MICU3: variants seen among roughly 807,000 people sequenced by gnomAD.
The protein encoded by MICU3 is mitochondrial calcium uptake 3, also known as calcium uptake protein 3, mitochondrial.
In MICU3, 62 loss-of-function variants were observed where a neutral mutation model predicts 66.5. The observed-to-expected ratio is 0.93, with a 90% CI of 0.76 to 1.15. The LOEUF is 1.15. Ranked by LOEUF, MICU3 falls within the 50% of genes most tolerant of loss-of-function variation. The pLI, the probability that MICU3 is intolerant of heterozygous loss-of-function variation, is 0.00. For missense variants in MICU3, 779 were observed against 664.4 expected, an observed-to-expected ratio of 1.17 and a Z score of -1.90; for synonymous variants, 308 against 240.7, an observed-to-expected ratio of 1.28 and a Z score of -2.59.
chr8:17,047,682 A>G (rs1258711343), intron 1 of MICU3, among the ~76,000 whole-genome samples: 2 of 152,222 alleles, frequency 1.3e-5, no homozygotes, highest in Non-Finnish European at 2.9e-5. Context: ...TTCAAAAGTG[A>G]GAGAAAATAA....
At chr8:17,106,033 T>C (rs1437490348) in intron 11 of MICU3, among the ~76,000 whole-genome samples, 4 of 152,068 alleles carry the variant, frequency 2.6e-5, no homozygotes, top group Non-Finnish European at 4.4e-5. Flanking sequence ...AGTGAAGTTT[T>C]TCAAAGAGTT....
At chr8:17,105,330 C>G (rs1801648494) in intron 10 of MICU3, 83 bp from the exon 11 acceptor site, 2 of 759,536 alleles carry the variant, frequency 2.6e-6, no homozygotes, top group Admixed American at 6.4e-5. Flanking sequence ...ATAACCTTTT[C>G]TAGGACAGTG....
At chr8:17,068,143 A>C (rs1819001626) in intron 2 of MICU3, among the ~76,000 whole-genome samples, 1 of 152,174 alleles carries the variant, frequency 6.6e-6, no homozygotes, top group African/African-American at 2.4e-5. Context: ...TAATATTTCC[A>C]CTAGAATTGA....
chr8:17,038,513 G>A (rs914709567), intron 1 of MICU3, among the ~76,000 whole-genome samples: 2 of 152,116 alleles, frequency 1.3e-5, no homozygotes, highest in African/African-American at 2.4e-5. Flanking sequence ...CCAGTCTCGG[G>A]TATGTATTTA....
At chr8:17,127,913 C>G in the MICU3 span, among the ~76,000 whole-genome samples, 1 of 152,058 alleles carries the variant, frequency 6.6e-6, no homozygotes, top group African/African-American at 2.4e-5. Flanking sequence ...AATCTAAGTG[C>G]TGAGCCCCAA....
At chr8:17,083,049 A>G (rs1821430046) in intron 5 of MICU3, among the ~76,000 whole-genome samples, 1 of 152,102 alleles carries the variant, frequency 6.6e-6, no homozygotes, top group Non-Finnish European at 1.5e-5. Flanking sequence ...TACTCAAATG[A>G]ATTTCCCGAG....
chr8:17,031,839 C>T (rs1013740968), intron 1 of MICU3, among the ~76,000 whole-genome samples: 2 of 152,166 alleles, frequency 1.3e-5, no homozygotes, highest in African/African-American at 2.4e-5. Context: ...CATTGGCTCT[C>T]AACTCGGAAT....
chr8:17,083,802 G>A (rs1324136055), intron 5 of MICU3, among the ~76,000 whole-genome samples: 3 of 152,092 alleles, frequency 2.0e-5, no homozygotes, highest in African/African-American at 7.2e-5. Flanking sequence ...TCAAAGATGT[G>A]TTGAAAAGTT....
chr8:17,097,168 C>T (rs1800796850), intron 8 of MICU3, among the ~76,000 whole-genome samples: 1 of 151,650 alleles, frequency 6.6e-6, no homozygotes, highest in South Asian at 2.1e-4. Context: ...TAAAACGCAT[C>T]CACATTCAAA....
chr8:17,030,515 C>T (rs1279959485), intron 1 of MICU3, among the ~76,000 whole-genome samples: 1 of 151,938 alleles, frequency 6.6e-6, no homozygotes, highest in Non-Finnish European at 1.5e-5. Flanking sequence ...TGTAACACCA[C>T]TTATGTTGGT....
intron 14 of MICU3, 29 bp downstream of exon 14, chr8:17,118,804 G>T: frequency 7.1e-7 from 1 of 1,415,846 alleles, no homozygotes. Flanking sequence ...GTCTAAATTT[G>T]TTCAGTAACA....
intron 2 of MICU3, among the ~76,000 whole-genome samples, chr8:17,066,514 A>AATATATATATATATATATATATAT (rs1487739500): frequency 9.3e-5 from 8 of 85,932 alleles, no homozygotes; most frequent in African/African-American, 3.8e-4. Context: ...GATTGTTAAT[A>AATATATATATATATATATATATAT]ATCTATATAT....
intron 1 of MICU3, among the ~76,000 whole-genome samples, chr8:17,034,558 A>G (rs913387045): frequency 6.6e-6 from 1 of 152,236 alleles, no homozygotes; most frequent in Non-Finnish European, 1.5e-5. Context: ...CATTAAGAAT[A>G]TCTGTGATTC....
At chr8:17,137,705 CTTTTTTTTTTT>C in the MICU3 span, among the ~76,000 whole-genome samples, 3 of 102,884 alleles carry the variant, frequency 2.9e-5, no homozygotes, top group Admixed American at 1.1e-4. Context: ...TTTTCTTTTC[CTTTTTTTTTTT>C]TTTTTTTTTT....
At chr8:17,096,187 G>T (rs1800667204) in intron 8 of MICU3, among the ~76,000 whole-genome samples, 1 of 151,836 alleles carries the variant, frequency 6.6e-6, no homozygotes, top group South Asian at 2.1e-4. Context: ...CATCATAGTT[G>T]TCTGTTTCAC....
At chr8:17,048,429 G>A (rs1230257376) in intron 1 of MICU3, among the ~76,000 whole-genome samples, 5 of 152,074 alleles carry the variant, frequency 3.3e-5, no homozygotes, top group African/African-American at 4.8e-5. Flanking sequence ...GCGGGGGAAC[G>A]CCCCTTTATA....
chr8:17,074,699 A>C (rs1194343490), intron 3 of MICU3, among the ~76,000 whole-genome samples: 2 of 151,734 alleles, frequency 1.3e-5, no homozygotes, highest in East Asian at 3.9e-4. Flanking sequence ...TCCCTGGATT[A>C]CAATTAGTTT....
chr8:17,107,693 G>A (rs1271104047), intron 11 of MICU3, among the ~76,000 whole-genome samples: 1 of 152,182 alleles, frequency 6.6e-6, no homozygotes, highest in Non-Finnish European at 1.5e-5. Flanking sequence ...TGAGGCAACA[G>A]AGACCATGTA....
intron 11 of MICU3, among the ~76,000 whole-genome samples, chr8:17,111,436 C>T (rs530145073): frequency 2.6e-5 from 4 of 152,266 alleles, no homozygotes; most frequent in Non-Finnish European, 5.9e-5. Flanking sequence ...ATCCTCCTGC[C>T]TCAGCTTCTC....
Sources: gnomAD v4.1 joint callset for allele counts (sites outside exome capture counted in the v4.1 genomes callset) on GRCh38, gnomAD v4.1.1 for gene constraint, MANE v1.5 for transcripts, NCBI Gene and HGNC (gene_info 2026-07-23, HGNC 2026-07-21) for gene names.